Variants in ULK2 observed in about 807,000 individuals in gnomAD.
The protein encoded by ULK2 is unc-51 like autophagy activating kinase 2.
ULK2 carries 76 observed loss-of-function variants against 127.5 expected under a neutral mutation model. The ratio of observed to expected loss-of-function variants is 0.60; its 90% confidence interval spans 0.50 to 0.72. The LOEUF (loss-of-function observed/expected upper bound fraction) is 0.72, where lower values mean the gene tolerates loss of function less well. Ranked by LOEUF, ULK2 falls within the 30% of genes least tolerant of loss-of-function variation. The probability of loss-of-function intolerance (pLI) is 0.00; values close to 1 mark genes in which losing one functional copy is unlikely to be tolerated. For missense variants in ULK2, 1,144 were observed against 1,295.9 expected (o/e 0.88, Z 1.80); for synonymous variants, 452 against 461.9 (o/e 0.98, Z 0.28).
rs776007143 is a variant in ULK2, at chr17:19,782,056, T to C, written c.2472A>G (p.Thr824=). The change falls in exon 23 of 27, where the codon ACA becomes ACG. Residue 824 remains threonine (T), a synonymous_variant. Coordinates refer to ENST00000395544, the MANE Select transcript of ULK2 (RefSeq NM_014683.4). ...PEETLMEREH[T]DTLRHLNVML... Reference sequence around the variant, plus strand: ...TCACATTCAGATGGCGTAAGGTGTCTGTGTGTTCCCGCTGCAGCAAAGTCA... The same window carrying C: ...TCACATTCAGATGGCGTAAGGTGTCCGTGTGTTCCCGCTGCAGCAAAGTCA... The C allele has an allele frequency of 1.2e-6, 2 of 1,613,620 alleles. No homozygotes were observed. Among genetic ancestry groups the C allele is most frequent in the Non-Finnish European group, 1.7e-6 (2 of 1,179,900 alleles).
In ULK2 at chr17:19,801,183, G is replaced by A. The variant is rs1409126891; in HGVS notation, c.1441+594C>T. Among the ~76,000 whole-genome samples the A allele has an allele frequency of 2.0e-5, 3 of 152,176 alleles. No individual in the cohort carries two copies. The East Asian group carries it at 5.8e-4, about 29-fold the overall frequency. ...CCTAGGGTTTCTGACTTTGCATTTA[G>A]AGCCCAATCCCAAAGGAGATGCTTT... On this transcript the variant is annotated intron_variant, in intron 16 of 26. Transcript: ENST00000395544.
intron 13 of ULK2, among the ~76,000 whole-genome samples, chr17:19,813,622 CA>C (rs1396524153): frequency 6.6e-6 from 1 of 151,984 alleles, no homozygotes; most frequent in African/African-American, 2.4e-5. Flanking sequence ...GTGGATATAT[CA>C]GGACAATGAG....
chr17:19,818,179 C>T (rs899221635), intron 12 of ULK2, among the ~76,000 whole-genome samples: 1 of 151,946 alleles, frequency 6.6e-6, no homozygotes, highest in African/African-American at 2.4e-5. Flanking sequence ...AAAAATTAGC[C>T]GGGCATGACG....
chr17:19,816,254 T>C (rs1333351963), intron 13 of ULK2, among the ~76,000 whole-genome samples: 1 of 152,244 alleles, frequency 6.6e-6, no homozygotes, highest in Non-Finnish European at 1.5e-5. Context: ...TTGTAGGTTT[T>C]CTGGTACCCT....
intron 7 of ULK2, 70 bp from the exon 8 acceptor site, chr17:19,843,292 C>T: frequency 3.0e-6 from 3 of 1,004,308 alleles, no homozygotes; most frequent in African/African-American, 1.7e-5. Context: ...TATTAATTAA[C>T]TGGTAAAGGT....
chr17:19,799,932 G>A (rs1407211088), intron 16 of ULK2, among the ~76,000 whole-genome samples: 1 of 152,238 alleles, frequency 6.6e-6, no homozygotes, highest in Admixed American at 6.5e-5. Flanking sequence ...GAGAGCCCCA[G>A]CTGCAGTCCC....
rs2086745294 is a variant in ULK2 at position 19,772,200 on chromosome 17, C to T, written c.*4149G>A. Reference sequence around the variant, plus strand: ...TAGTACAGTTTGATCTCTGAATTCACTTTGATCTTTTACCAGTTCGGCTTC... The same window carrying T: ...TAGTACAGTTTGATCTCTGAATTCATTTTGATCTTTTACCAGTTCGGCTTC... On this transcript the variant is annotated 3_prime_UTR_variant, in exon 27 of 27. Coordinates refer to ENST00000395544, the MANE Select transcript of ULK2 (RefSeq NM_014683.4). 6.6e-6 allele frequency: 1 copy of T among 152,250 alleles called. No individual in the cohort carries two copies. The allele number at this position is 152,250 out of a possible 1,614,324, so 9.4% of individuals were successfully genotyped here.
At chr17:19,866,766 T>C (rs2152404550) in intron 1 of ULK2, among the ~76,000 whole-genome samples, 2 of 152,304 alleles carry the variant, frequency 1.3e-5, no homozygotes, top group Middle Eastern at 6.8e-3. Context: ...TGAAAATGAA[T>C]TGTCCAACCA....
At position 19,867,469 on chromosome 17, in the gene ULK2, A is replaced by C. The variant is rs776875744; in HGVS notation, c.-52T>G. On this transcript the variant is annotated 5_prime_UTR_variant, in exon 1 of 27. Transcript: ENST00000395544. ...ACGGGCGGGCGGCGCAGTGCGGCGC[A>C]GGTATCAGCACCGCGGCTCCGCGGG... 10 of 1,486,526 alleles carry C rather than the reference A, an allele frequency of 6.7e-6. No individual in the cohort carries two copies. 92.1% of individuals were successfully genotyped at this position (1,486,526 alleles called of 1,614,324 possible).
intron 25 of ULK2, among the ~76,000 whole-genome samples, chr17:19,779,467 G>A (rs938880804): frequency 6.7e-6 from 1 of 149,402 alleles, no homozygotes; most frequent in Non-Finnish European, 1.5e-5. Flanking sequence ...GGGAAGCAGA[G>A]GTTGCAGTGA....
intron 14 of ULK2, among the ~76,000 whole-genome samples, chr17:19,807,657 A>C (rs903808706): frequency 6.6e-6 from 1 of 152,086 alleles, no homozygotes; most frequent in African/African-American, 2.4e-5. Flanking sequence ...ATGACTCAAG[A>C]AGAAAAAAAG....
intron 13 of ULK2, among the ~76,000 whole-genome samples, chr17:19,812,267 A>C (rs547591502): frequency 6.6e-6 from 1 of 152,326 alleles, no homozygotes; most frequent in East Asian, 1.9e-4. Flanking sequence ...ATTTTTGGTA[A>C]GTGAATAGAT....
chr17:19,866,580 T>C (rs946620716), intron 1 of ULK2, among the ~76,000 whole-genome samples: 2 of 152,200 alleles, frequency 1.3e-5, no homozygotes, highest in Admixed American at 6.6e-5. Flanking sequence ...AGCCCACTTT[T>C]AACACGCCCC....
At chr17:19,859,713 C>T (rs2042203042) in intron 3 of ULK2, among the ~76,000 whole-genome samples, 1 of 152,180 alleles carries the variant, frequency 6.6e-6, no homozygotes, top group Non-Finnish European at 1.5e-5. Context: ...CACTCTGTCA[C>T]CCAAGCTGGA....
At chr17:19,844,764 T>G (rs1343417277) in intron 7 of ULK2, among the ~76,000 whole-genome samples, 1 of 152,134 alleles carries the variant, frequency 6.6e-6, no homozygotes, top group Non-Finnish European at 1.5e-5. Flanking sequence ...ATTAAGGTAT[T>G]TCCAGACTTA....
At chr17:19,798,136 T>C (rs2087314900) in intron 17 of ULK2, among the ~76,000 whole-genome samples, 1 of 152,048 alleles carries the variant, frequency 6.6e-6, no homozygotes, top group South Asian at 2.1e-4. Flanking sequence ...TCAAAATAAC[T>C]CCTTATTCAA....
Position 19,796,205 on chromosome 17 carries a change from A to C in ULK2, c.1887T>G (p.Ala629=). The C allele has an allele frequency of 6.2e-7, 1 of 1,614,154 alleles. No individual in the cohort carries two copies. Among genetic ancestry groups the C allele is most frequent in the Non-Finnish European group, 8.5e-7 (1 of 1,180,032 alleles). Residue 629 remains alanine (A), a synonymous_variant, in exon 19 of 27, where the codon GCT becomes GCG. Transcript: ENST00000395544. Reference sequence around the variant, plus strand: ...CATTCCCATCTTTCGACTGTTCTTCAGCAGGCCCATGACGAGTAACCAAGG... The same window carrying C: ...CATTCCCATCTTTCGACTGTTCTTCCGCAGGCCCATGACGAGTAACCAAGG... ...LLALVTRHGP[A]EEQSKDGNEP...
chr17:19,827,022 AGTT>A (rs1056352338), intron 10 of ULK2, among the ~76,000 whole-genome samples: 47 of 152,296 alleles, frequency 3.1e-4, no homozygotes, highest in Admixed American at 3.9e-4. Context: ...TCTCCATAAT[AGTT>A]GTTTCACTAT....
rs1398079341 is a variant in ULK2, at chr17:19,825,179, C to A, written c.839G>T (p.Cys280Phe). The A allele has an allele frequency of 3.1e-6, 5 of 1,613,884 alleles. No individual in the cohort carries two copies. In the South Asian group the frequency reaches 3.3e-5, roughly 11 times the overall value. The change falls in exon 12 of 27, where the codon TGC (cysteine) becomes TTC (phenylalanine). Residue 280 changes from cysteine (C) to phenylalanine (F), a missense_variant. Physicochemically the swap from Cys to Phe is radical, Grantham distance 205. This residue lies in a region of ULK2 where 913 missense variants were observed against 970.5 expected (regional missense o/e 0.94). Transcript: ENST00000395544. ...AGAATACATGGGCACTGGAACTGGGCAAGCTAGGGGAAGAAACACAAATGA... is the reference window on the plus strand; with the variant it reads ...AGAATACATGGGCACTGGAACTGGGAAAGCTAGGGGAAGAAACACAAATGA... ...FLEQGPVKKS[C>F]PVPVPMYSGS...
Sources: gnomAD v4.1 joint callset for allele counts (sites outside exome capture counted in the v4.1 genomes callset) on GRCh38, gnomAD v4.1.1 for gene constraint, gnomAD v4.1.1 regional missense constraint, MANE v1.5 for transcripts, NCBI Gene and HGNC (gene_info 2026-07-23, HGNC 2026-07-21) for gene names.